Variants in ECPAS observed in about 807,000 individuals in gnomAD.
ECPAS encodes proteasome adapter and scaffold protein ECM29.
In ECPAS, 70 loss-of-function variants were observed where a neutral mutation model predicts 255.1. That is an observed-to-expected ratio of 0.27 (90% CI 0.23 to 0.33). ECPAS has a LOEUF of 0.33. Ranked by LOEUF, ECPAS falls within the 10% of genes least tolerant of loss-of-function variation. The pLI, the probability that ECPAS is intolerant of heterozygous loss-of-function variation, is 1.00. For missense variants in ECPAS, 1,817 were observed against 2,206.4 expected, an observed-to-expected ratio of 0.82 and a Z score of 3.54; for synonymous variants, 784 against 775.0, an observed-to-expected ratio of 1.01 and a Z score of -0.19.
At position 111,425,966 on chromosome 9, in the gene ECPAS, C is replaced by G. The variant is rs955777278; in HGVS notation, c.1051-138G>C. 208 of 508,258 alleles carry G rather than the reference C, an allele frequency of 4.1e-4. 2 individuals carry two copies. The highest frequency in any genetic ancestry group is 3.6e-3 in the African/African-American group (187 of 52,014). The allele number at this position is 508,258 out of a possible 1,614,324, so 31.5% of individuals were successfully genotyped here. ...CATTAATGCAGATACACATTATTAG[C>G]TGACCAACTTAGAAAGCCAATCAGA... On this transcript the variant is annotated intron_variant, in intron 10 of 49. Coordinates refer to ENST00000684092, the MANE Select transcript of ECPAS (RefSeq NM_001364929.1).
chr9:111,408,837 T>C (rs532179850), intron 23 of ECPAS, among the ~76,000 whole-genome samples, 165 bp from the exon 24 acceptor site: 2 of 152,300 alleles, frequency 1.3e-5, no homozygotes, highest in South Asian at 2.1e-4. Flanking sequence ...CTGTAAGTCA[T>C]TGAAGGTAGA....
Position 111,408,601 on chromosome 9 carries a change from G to T in ECPAS, c.2622C>A (p.Leu874=), listed in dbSNP as rs1209382185. 1 of 1,594,366 alleles carries T rather than the reference G, an allele frequency of 6.3e-7. No individual in the cohort carries two copies. Among genetic ancestry groups the T allele is most frequent in the Non-Finnish European group, 8.5e-7 (1 of 1,170,578 alleles). The change falls in exon 24 of 50, where the codon CTC becomes CTA. Residue 874 remains leucine (L), a synonymous_variant. Transcript: ENST00000684092. ...VGDGDFPHQK[L]LLQGLMDSVE... is the part of the protein sequence containing the mutation. Reference sequence around the variant, plus strand: ...CAGAATCCATCAGACCTTGCAAGAGGAGTTTCTGGTGAGGAAAATCTCCAT... The same window carrying T: ...CAGAATCCATCAGACCTTGCAAGAGTAGTTTCTGGTGAGGAAAATCTCCAT...
intron 2 of ECPAS, among the ~76,000 whole-genome samples, chr9:111,464,504 C>A (rs952072317): frequency 1.9e-4 from 28 of 150,518 alleles, no homozygotes; most frequent in Middle Eastern, 3.5e-3. Context: ...GTGTTCACAG[C>A]CCAGGATTAG....
chr9:111,406,856 G>A (rs1190452368), intron 24 of ECPAS, among the ~76,000 whole-genome samples: 1 of 149,142 alleles, frequency 6.7e-6, no homozygotes, highest in African/African-American at 2.6e-5. Context: ...CAGCCTTGGT[G>A]AGAGAATGAG....
chr9:111,434,366 A>T (rs1589193553), intron 7 of ECPAS, among the ~76,000 whole-genome samples: 1 of 152,238 alleles, frequency 6.6e-6, no homozygotes, highest in South Asian at 2.1e-4. Context: ...ATGTCCATCA[A>T]TAGGAGACTG....
chr9:111,425,564 TACATA>T, intron 11 of ECPAS, 68 bp from the exon 12 acceptor site: 1 of 1,187,782 alleles, frequency 8.4e-7, no homozygotes, highest in Non-Finnish European at 1.2e-6. Flanking sequence ...TACGGATGAT[TACATA>T]AAATAATGAG....
At chr9:111,447,721 G>A (rs1466592537) in intron 3 of ECPAS, among the ~76,000 whole-genome samples, 1 of 151,698 alleles carries the variant, frequency 6.6e-6, no homozygotes, top group East Asian at 1.9e-4. Context: ...AAATAAAAAT[G>A]CTATTTTATT....
At chr9:111,389,494 C>T in intron 31 of ECPAS, 62 bp downstream of exon 31, 2 of 1,405,038 alleles carry the variant, frequency 1.4e-6, no homozygotes, top group Non-Finnish European at 1.9e-6. Context: ...GGGTTTAAAT[C>T]CTATGCATGA....
intron 12 of ECPAS, among the ~76,000 whole-genome samples, chr9:111,424,013 CCTCT>C (rs1049755668): frequency 6.6e-6 from 1 of 152,120 alleles, no homozygotes. Flanking sequence ...GTTTGTCTGG[CCTCT>C]CTAACTTACA....
At chr9:111,481,986 G>C (rs1471449494) in intron 1 of ECPAS, among the ~76,000 whole-genome samples, 1 of 152,172 alleles carries the variant, frequency 6.6e-6, no homozygotes, top group African/African-American at 2.4e-5. Flanking sequence ...TCAAGTTTCC[G>C]TTTTACAAGA....
Position 111,433,272 on chromosome 9 carries a change from A to G in ECPAS, c.809T>C (p.Val270Ala), listed in dbSNP as rs1183999104. ...VIASSDTRHS[V>A]ATAADLELKS... ...CAATTCCAGGTCTGCTGCCGTTGCC[A>G]CACTGTGGCGTGTATCACTAGAGGC... The change falls in exon 8 of 50, where the codon GTG becomes GCG. Residue 270 changes from valine to alanine, a missense_variant. By Grantham distance (64) the Val-to-Ala change is moderately conservative. Around this residue, in one of 4 missense-constraint regions of ECPAS, gnomAD observed 573 missense variants for 716.2 expected, o/e 0.80. Coordinates refer to ENST00000684092, the MANE Select transcript of ECPAS (RefSeq NM_001364929.1). The G allele has an allele frequency of 1.2e-6, 2 of 1,614,036 alleles. No individual in the cohort carries two copies. Among genetic ancestry groups the G allele is most frequent in the Middle Eastern group, 3.3e-4 (2 of 6,062 alleles).
At chr9:111,439,010 C>T (rs964564256) in intron 6 of ECPAS, among the ~76,000 whole-genome samples, 1 of 152,112 alleles carries the variant, frequency 6.6e-6, no homozygotes, top group Non-Finnish European at 1.5e-5. Flanking sequence ...AATAAGTAGA[C>T]CAGAAGTAGA....
chr9:111,429,723 G>C (rs2098227070), intron 9 of ECPAS, among the ~76,000 whole-genome samples: 1 of 152,190 alleles, frequency 6.6e-6, no homozygotes, highest in African/African-American at 2.4e-5. Flanking sequence ...CAAAAAGGCA[G>C]ACAGGTGCAG....
In ECPAS at chr9:111,428,033, A is replaced by G; in HGVS notation, c.1050+9T>C. On this transcript the variant is annotated intron_variant, in intron 10 of 49. Coordinates refer to ENST00000684092, the MANE Select transcript of ECPAS (RefSeq NM_001364929.1). Reference sequence around the variant, plus strand: ...GACAGGCCAATATTCTCTGGAAAAAACAAATTACCTGAATGTTGGCTGGGA... The same window carrying G: ...GACAGGCCAATATTCTCTGGAAAAAGCAAATTACCTGAATGTTGGCTGGGA... 1 of 1,612,036 alleles carries G rather than the reference A, an allele frequency of 6.2e-7. No homozygotes were observed. The highest frequency in any genetic ancestry group is 2.2e-5 in the East Asian group (1 of 44,832).
In ECPAS at chr9:111,425,921, T is replaced by C. The variant is rs2098220859; in HGVS notation, c.1051-93A>G. On this transcript the variant is annotated intron_variant, in intron 10 of 49. Transcript: ENST00000684092. ...TCAGAATTCAGCAGCAGACCTTTCA[T>C]ACTACATCTCGTTCTTCAACATTAA... 8.0e-6 allele frequency: 5 copies of C among 624,418 alleles called. No homozygotes were observed. The South Asian group carries it at 1.2e-4, about 14-fold the overall frequency. 38.7% of individuals were successfully genotyped at this position (624,418 alleles called of 1,614,324 possible).
intron 12 of ECPAS, among the ~76,000 whole-genome samples, chr9:111,423,975 C>A (rs1323985761): frequency 6.6e-6 from 1 of 152,200 alleles, no homozygotes; most frequent in East Asian, 1.9e-4. Flanking sequence ...CAGATGTCAC[C>A]TGCAGGTAAG....
rs1007265432 is a variant in ECPAS at position 111,417,752 on chromosome 9, A to G, written c.1683+131T>C. ...CAAGAGCGAAGCTCCATCTCAAAAA[A>G]AAAAAAGAAAAGAAAAGAAAAAGAA... On this transcript the variant is annotated intron_variant, in intron 17 of 49. Transcript: ENST00000684092. 1.4e-5 allele frequency: 14 copies of G among 990,052 alleles called. No individual in the cohort carries two copies. The East Asian group carries it at 3.7e-4, about 26-fold the overall frequency. The allele number at this position is 990,052 out of a possible 1,614,324, so 61.3% of individuals were successfully genotyped here.
chr9:111,417,573 C>G lies in ECPAS; in HGVS notation c.1683+310G>C, dbSNP rs187505133. Among the ~76,000 whole-genome samples, 613 of 152,182 alleles carry G rather than the reference C, an allele frequency of 4.0e-3. 5 individuals are homozygous for G. The highest frequency in any genetic ancestry group is 0.014 in the African/African-American group (589 of 41,538). ...CCAGCCTGGCCAACATGGTGAAACA[C>G]TGTTTCTACTAAAAATACAAAAAAT... On this transcript the variant is annotated intron_variant, in intron 17 of 49. Coordinates refer to ENST00000684092, the MANE Select transcript of ECPAS (RefSeq NM_001364929.1).
intron 6 of ECPAS, among the ~76,000 whole-genome samples, chr9:111,438,949 G>T (rs2131886936): frequency 6.6e-6 from 1 of 152,310 alleles, no homozygotes. Context: ...GATCAGGAAA[G>T]AAAGAAGATG....
Sources: allele counts gnomAD v4.1 joint callset (sites outside exome capture counted in the v4.1 genomes callset), GRCh38; gene constraint gnomAD v4.1.1; regional missense constraint gnomAD v4.1.1; transcripts MANE v1.5; gene names NCBI Gene and HGNC (gene_info 2026-07-23, HGNC 2026-07-21).